Variants in POLR3D observed in about 807,000 individuals in gnomAD.
POLR3D encodes RNA polymerase III subunit D.
A neutral mutation model predicts 44.5 loss-of-function variants in POLR3D; 42 were observed. That is an observed-to-expected ratio of 0.94 (90% CI 0.74 to 1.22). The LOEUF (loss-of-function observed/expected upper bound fraction) is 1.22, where lower values mean the gene tolerates loss of function less well. Among genes scored for constraint, POLR3D ranks in the 50% most tolerant of loss-of-function variants. The pLI is 0.00. For missense variants in POLR3D, 507 were observed against 505.2 expected, an observed-to-expected ratio of 1.00 and a Z score of -0.03; for synonymous variants, 217 against 198.1, an observed-to-expected ratio of 1.10 and a Z score of -0.80.
At position 22,245,554 on chromosome 8, in the gene POLR3D, C is replaced by T. The variant is rs771278425; in HGVS notation, c.105C>T (p.Leu35=). 48 of 1,262,056 alleles carry T rather than the reference C, an allele frequency of 3.8e-5. No individual in the cohort carries two copies. The East Asian group carries it at 9.1e-4, about 24-fold the overall frequency. 78.2% of individuals were successfully genotyped at this position (1,262,056 alleles called of 1,614,324 possible). A position where few individuals can be genotyped will look rare whatever the true frequency, so the allele number is the denominator to read the frequency against. Residue 35 remains leucine, a synonymous_variant, in exon 2 of 9, where the codon CTC becomes CTT. Transcript: ENST00000306433. ...GLIGRRPAPP[L]TPGRLPSIRS... Reference sequence around the variant, plus strand: ...TCGGGCGGCGGCCGGCGCCTCCCCTCACCCCCGGCCGCCTTCCCTCCATCC... The same window carrying T: ...TCGGGCGGCGGCCGGCGCCTCCCCTTACCCCCGGCCGCCTTCCCTCCATCC...
rs141727488 is a variant in POLR3D at position 22,246,532 on chromosome 8, G to A, written c.166-689G>A. ...ACCATCTCAGCTCACTGCAACCTCC[G>A]CCTCCCGGGTTCAAGCGATTCTCCT... is the stretch of plus-strand genomic sequence containing the variant. On this transcript the variant is annotated intron_variant, in intron 2 of 8. Transcript: ENST00000306433. 4.6e-5 allele frequency among the ~76,000 whole-genome samples: 7 copies of A among 151,614 alleles called. No homozygotes were observed. In the East Asian group the frequency reaches 5.8e-4, roughly 13 times the overall value.
At position 22,253,583 on chromosome 8, in the gene POLR3D, C is replaced by G. The variant is rs1183518952; in HGVS notation, c.*3065C>G. 6.6e-6 allele frequency: 1 copy of G among 152,216 alleles called. No homozygotes were observed. The highest frequency in any genetic ancestry group is 2.4e-5 in the African/African-American group (1 of 41,448). The allele number at this position is 152,216 out of a possible 1,614,324, so 9.4% of individuals were successfully genotyped here. A position where few individuals can be genotyped will look rare whatever the true frequency, so the allele number is the denominator to read the frequency against. On this transcript the variant is annotated 3_prime_UTR_variant, in exon 9 of 9. Coordinates refer to ENST00000306433, the MANE Select transcript of POLR3D (RefSeq NM_001722.3). ...TCTAGGCATAACTTTTTAAAATATTCAGTCACCTTTTATTCTACTAAAATC... is the reference window on the plus strand; with the variant it reads ...TCTAGGCATAACTTTTTAAAATATTGAGTCACCTTTTATTCTACTAAAATC...
At chr8:22,249,020 A>T (rs770376861) in intron 6 of POLR3D, 24 bp from the exon 7 acceptor site, 7 of 1,611,718 alleles carry the variant, frequency 4.3e-6, no homozygotes, top group Non-Finnish European at 4.2e-6. Flanking sequence ...ACTTGATAGC[A>T]TTCCATGTCT....
rs1830097294 is a variant in POLR3D at position 22,250,613 on chromosome 8, C to G, written c.*95C>G. 10 of 1,472,816 alleles carry G rather than the reference C, an allele frequency of 6.8e-6. No individual in the cohort carries two copies. The highest frequency in any genetic ancestry group is 9.4e-6 in the Non-Finnish European group (10 of 1,067,940). 91.2% of individuals were successfully genotyped at this position (1,472,816 alleles called of 1,614,324 possible). On this transcript the variant is annotated 3_prime_UTR_variant, in exon 9 of 9. Coordinates refer to ENST00000306433, the MANE Select transcript of POLR3D (RefSeq NM_001722.3). The stretch of plus-strand genomic sequence containing the variant: ...ATCTGTGAGACCCAGAAGGGGCCCA[C>G]TGAGCCCACTCACTCCAGCCTTTGG...
At chr8:22,246,143 T>C (rs892919207) in intron 2 of POLR3D, among the ~76,000 whole-genome samples, 2 of 152,202 alleles carry the variant, frequency 1.3e-5, no homozygotes, top group African/African-American at 2.4e-5. Context: ...TTGGTTTTTT[T>C]TGAGAGGAAG....
intron 2 of POLR3D, 69 bp downstream of exon 2, chr8:22,245,683 T>A: frequency 9.2e-7 from 1 of 1,085,922 alleles, no homozygotes; most frequent in Non-Finnish European, 1.2e-6. Flanking sequence ...TCAACTAATG[T>A]TTGTGTAGGA....
Position 22,245,445 on chromosome 8 carries a change from G to C in POLR3D, c.-5G>C, listed in dbSNP as rs553550444. ...GATCTCGTCGCCCCTTCTCTCCCAG[G>C]CAACATGTCGGAAGGAAACGCCGCC... On this transcript the variant is annotated splice_region_variant and 5_prime_UTR_variant, in exon 2 of 9. Coordinates refer to ENST00000306433, the MANE Select transcript of POLR3D (RefSeq NM_001722.3). 3 of 1,309,626 alleles carry C rather than the reference G, an allele frequency of 2.3e-6. No homozygotes were observed. The highest frequency in any genetic ancestry group is 2.0e-6 in the Non-Finnish European group (2 of 1,021,564). The allele number at this position is 1,309,626 out of a possible 1,614,324, so 81.1% of individuals were successfully genotyped here.
At chr8:22,245,856 A>G (rs192022626) in intron 2 of POLR3D, among the ~76,000 whole-genome samples, 15 of 152,316 alleles carry the variant, frequency 9.8e-5, no homozygotes, top group African/African-American at 3.4e-4. Context: ...AAGTCGTTCA[A>G]AAGCAATTTG....
At chr8:22,245,229 C>A in intron 1 of POLR3D, 46 bp downstream of exon 1, 1 of 547,586 alleles carries the variant, frequency 1.8e-6, no homozygotes, top group Admixed American at 3.1e-5. Flanking sequence ...GGGTGCGTCC[C>A]TGTCTGGTTC....
chr8:22,249,414 A>G (rs1830077863), intron 7 of POLR3D, 105 bp downstream of exon 7: 1 of 1,254,810 alleles, frequency 8.0e-7, no homozygotes. Context: ...AAATGGGACA[A>G]TAATGGGTGG....
rs780423587 is a variant in POLR3D, at chr8:22,247,891, C to T, written c.244C>T (p.Arg82Cys). The change falls in exon 4 of 9, where the codon CGT (arginine) becomes TGT (cysteine). Residue 82 changes from arginine (R) to cysteine (C), a missense_variant. Transcript: ENST00000306433. ...AGAAGTAACTGTCAAGAAGGAGAAG[C>T]GTGAAAGGGACAGAGACCGACAACG... is the stretch of plus-strand genomic sequence containing the variant. ...KEEVTVKKEK[R>C]ERDRDRQREG... The T allele has an allele frequency of 4.3e-6, 7 of 1,613,920 alleles. No individual in the cohort carries two copies. Among genetic ancestry groups the T allele is most frequent in the East Asian group, 2.2e-5 (1 of 44,870 alleles).
Position 22,248,267 on chromosome 8 carries a change from G to T in POLR3D, c.475G>T (p.Glu159Ter), listed in dbSNP as rs199704064. The T allele has an allele frequency of 2.5e-6, 4 of 1,614,018 alleles. No homozygotes were observed. The highest frequency in any genetic ancestry group is 1.1e-5 in the South Asian group (1 of 91,020). ...EETKQILRMLEKDDFLDDPGL... is the reference protein window; with the variant it reads ...EETKQILRML ...AACTAAACAGATCTTGCGTATGCTG[G>T]AGAAGGACGATGTGGGTACCAGGAG... is the stretch of plus-strand genomic sequence containing the variant. Residue 159 changes from glutamate (E) to a stop codon, truncating the protein, a stop_gained, in exon 5 of 9, where the codon GAG (glutamate) becomes TAG (stop). Coordinates refer to ENST00000306433, the MANE Select transcript of POLR3D (RefSeq NM_001722.3). LOFTEE classifies it high-confidence loss of function.
Position 22,247,246 on chromosome 8 carries a change from G to T in POLR3D, c.191G>T (p.Ser64Ile), listed in dbSNP as rs1364285740. 5.6e-6 allele frequency: 9 copies of T among 1,613,550 alleles called. No individual in the cohort carries two copies. Among genetic ancestry groups the T allele is most frequent in the Non-Finnish European group, 7.6e-6 (9 of 1,179,548 alleles). ...AAAACCTTCACCCCAAATATCATCA[G>T]TCGGAAGATCAAGGAAGAGTAAGTA... ...KKKTFTPNII[S>I]RKIKEEPKEE... is the part of the protein sequence containing the mutation. The change falls in exon 3 of 9, where the codon AGT becomes ATT. Residue 64 changes from serine (S) to isoleucine (I), a missense_variant. By Grantham distance (142) the Ser-to-Ile change is moderately radical. Transcript: ENST00000306433.
At position 22,251,257 on chromosome 8, in the gene POLR3D, G is replaced by A. The variant is rs1017524213; in HGVS notation, c.*739G>A. The A allele has an allele frequency of 6.5e-6, 1 of 153,554 alleles. No individual in the cohort carries two copies. Among genetic ancestry groups the A allele is most frequent in the Non-Finnish European group, 1.5e-5 (1 of 68,086 alleles). 9.5% of individuals were successfully genotyped at this position (153,554 alleles called of 1,614,324 possible). On this transcript the variant is annotated 3_prime_UTR_variant, in exon 9 of 9. Coordinates refer to ENST00000306433, the MANE Select transcript of POLR3D (RefSeq NM_001722.3). The stretch of plus-strand genomic sequence containing the variant: ...CCCGTCCCCACTCTTGCCCCTTCCT[G>A]CTTTATATCCCGTCCTCACCCTGGG...
chr8:22,245,741 T>C (rs567371819), intron 2 of POLR3D, 127 bp downstream of exon 2: 2 of 561,468 alleles, frequency 3.6e-6, no homozygotes, highest in Admixed American at 4.4e-5. Flanking sequence ...CCTACCCCTC[T>C]TTAAATTCTA....
chr8:22,247,781 G>A, intron 3 of POLR3D, 76 bp from the exon 4 acceptor site: 1 of 1,364,532 alleles, frequency 7.3e-7, no homozygotes, highest in South Asian at 1.3e-5. Flanking sequence ...TTGGAGTGAA[G>A]TGGTATGGGA....
Position 22,250,545 on chromosome 8 carries a change from C to T in POLR3D, c.*27C>T. 6.2e-7 allele frequency: 1 copy of T among 1,613,864 alleles called. No individual in the cohort carries two copies. The highest frequency in any genetic ancestry group is 8.5e-7 in the Non-Finnish European group (1 of 1,179,888). On this transcript the variant is annotated 3_prime_UTR_variant, in exon 9 of 9. Coordinates refer to ENST00000306433, the MANE Select transcript of POLR3D (RefSeq NM_001722.3). The stretch of plus-strand genomic sequence containing the variant: ...ATGAGCAGGTGGAGGAGGACGGCGC[C>T]TGTGCCCACGGCTGCTGCCTGCTCC...
rs376586846 is a variant in POLR3D, at chr8:22,250,901, T to TC, written c.*389dup. On this transcript the variant is annotated 3_prime_UTR_variant, in exon 9 of 9. Coordinates refer to ENST00000306433, the MANE Select transcript of POLR3D (RefSeq NM_001722.3). ...TGTGGACTGCAGCTTCTGCTGGTGC[T>TC]CCCCCCGTCCTCCTGGAGGCAGTAT... 3.4e-3 allele frequency: 894 copies of TC among 259,364 alleles called. 9 individuals carry two copies. The highest frequency in any genetic ancestry group is 5.5e-3 in the Non-Finnish European group (707 of 128,980). The allele number at this position is 259,364 out of a possible 1,614,324, so 16.1% of individuals were successfully genotyped here.
chr8:22,247,118 G>T, intron 2 of POLR3D, 103 bp from the exon 3 acceptor site: 6 of 772,602 alleles, frequency 7.8e-6, no homozygotes, highest in South Asian at 1.6e-5. Context: ...CGAGAGCCGT[G>T]GTGGCCTTGG....
Sources: gnomAD v4.1 joint callset for allele counts (sites outside exome capture counted in the v4.1 genomes callset) on GRCh38, gnomAD v4.1.1 for gene constraint, MANE v1.5 for transcripts, NCBI Gene and HGNC (gene_info 2026-07-23, HGNC 2026-07-21) for gene names.